The following WWOX variants were observed in gnomAD, a reference collection of about 807,000 sequenced individuals.
The protein encoded by WWOX is WW domain containing oxidoreductase.
A neutral mutation model predicts 46.2 loss-of-function variants in WWOX; 69 were observed. That is an observed-to-expected ratio of 1.49 (90% CI 1.23 to 1.82). The LOEUF (loss-of-function observed/expected upper bound fraction) is 1.82. Among genes scored for constraint, WWOX ranks in the 40% most tolerant of loss-of-function variants. The pLI, the probability that WWOX is intolerant of heterozygous loss-of-function variation, is 0.00. For missense variants in WWOX, 919 were observed against 542.6 expected (o/e 1.69, Z -6.89); for synonymous variants, 359 against 202.6 (o/e 1.77, Z -6.56).
intron 8 of WWOX, among the ~76,000 whole-genome samples, chr16:78,795,366 T>C (rs933172945): frequency 6.6e-6 from 1 of 152,164 alleles, no homozygotes; most frequent in African/African-American, 2.4e-5. Context: ...ACCATATGCT[T>C]CTGTCTTCCT....
At chr16:78,395,488 G>C (rs1204922418) in intron 6 of WWOX, among the ~76,000 whole-genome samples, 1 of 152,046 alleles carries the variant, frequency 6.6e-6, no homozygotes, top group Admixed American at 6.6e-5. Context: ...CTCCAGCCTG[G>C]GCAACAGAGC....
intron 8 of WWOX, among the ~76,000 whole-genome samples, chr16:78,929,299 G>C (rs1389509971): frequency 6.6e-6 from 1 of 151,378 alleles, no homozygotes; most frequent in East Asian, 1.9e-4. Context: ...TCTTTTTTAA[G>C]AGCCTCAAGT....
chr16:78,837,519 C>T (rs1191654356), intron 8 of WWOX, among the ~76,000 whole-genome samples: 1 of 152,180 alleles, frequency 6.6e-6, no homozygotes, highest in African/African-American at 2.4e-5. Context: ...AAAGCCTGAA[C>T]ACTTCTCAGG....
chr16:78,462,282 G>C (rs996803262), intron 8 of WWOX, among the ~76,000 whole-genome samples: 1 of 151,826 alleles, frequency 6.6e-6, no homozygotes. Flanking sequence ...CTGGTAGCAG[G>C]AGCTTTCAAA....
At chr16:78,889,390 C>T (rs890417025) in intron 8 of WWOX, among the ~76,000 whole-genome samples, 2 of 123,642 alleles carry the variant, frequency 1.6e-5, no homozygotes, top group African/African-American at 3.1e-5. Flanking sequence ...GCAGCCTAAA[C>T]CCTGCAAACT....
chr16:78,654,199 T>TG (rs371850775), intron 8 of WWOX, among the ~76,000 whole-genome samples: 26 of 151,782 alleles, frequency 1.7e-4, no homozygotes, highest in African/African-American at 6.3e-4. Context: ...TTCACCTGGG[T>TG]GGGCGATTTG....
chr16:78,691,225 C>T, intron 8 of WWOX: 2 of 702,086 alleles, frequency 2.8e-6, no homozygotes, highest in South Asian at 1.5e-5. Context: ...CTATGCTTCT[C>T]TTGTTTGTGA....
At chr16:78,688,401 A>G (rs952722102) in intron 8 of WWOX, among the ~76,000 whole-genome samples, 1 of 151,126 alleles carries the variant, frequency 6.6e-6, no homozygotes, top group Non-Finnish European at 1.5e-5. Context: ...GACAAATCCT[A>G]CTTTTTCAGG....
chr16:78,871,331 A>T (rs1002802839), intron 8 of WWOX, among the ~76,000 whole-genome samples: 1 of 152,154 alleles, frequency 6.6e-6, no homozygotes, highest in Admixed American at 6.5e-5. Context: ...CAGTGGCAGG[A>T]GAGGGACTGG....
chr16:78,808,576 C>T (rs892451857), intron 8 of WWOX, among the ~76,000 whole-genome samples: 1 of 152,142 alleles, frequency 6.6e-6, no homozygotes, highest in Non-Finnish European at 1.5e-5. Context: ...CAGTAGCCAA[C>T]ATTCTGGGAA....
At chr16:78,814,005 T>A (rs2051265559) in intron 8 of WWOX, among the ~76,000 whole-genome samples, 1 of 152,222 alleles carries the variant, frequency 6.6e-6, no homozygotes, top group African/African-American at 2.4e-5. Context: ...TTAAGGCAAC[T>A]GCTGTTTCTT....
intron 5 of WWOX, among the ~76,000 whole-genome samples, chr16:78,197,189 A>G (rs2036080660): frequency 6.6e-6 from 1 of 152,168 alleles, no homozygotes; most frequent in African/African-American, 2.4e-5. Flanking sequence ...CGGCGATACT[A>G]AGAAACTCAG....
intron 8 of WWOX, among the ~76,000 whole-genome samples, chr16:78,773,847 G>T (rs762338913): frequency 3.9e-5 from 6 of 152,188 alleles, no homozygotes; most frequent in Admixed American, 3.3e-4. Context: ...GCTGCAAAAC[G>T]ATTATTGTAT....
At chr16:78,883,321 C>T (rs59047779) in intron 8 of WWOX, among the ~76,000 whole-genome samples, 11 of 152,052 alleles carry the variant, frequency 7.2e-5, no homozygotes, top group African/African-American at 1.4e-4. Context: ...AAATGCCATC[C>T]GGTGACATCC....
intron 6 of WWOX, among the ~76,000 whole-genome samples, chr16:78,394,414 G>C (rs1400209434): frequency 6.7e-6 from 1 of 150,250 alleles, no homozygotes; most frequent in Admixed American, 6.7e-5. Flanking sequence ...CCATCCTAAG[G>C]CATTGAAAAA....
chr16:79,045,484 A>G (rs914406290), intron 8 of WWOX, among the ~76,000 whole-genome samples: 2 of 152,208 alleles, frequency 1.3e-5, no homozygotes, highest in South Asian at 2.1e-4. Flanking sequence ...CTCTCCAGAA[A>G]GAGAGACTAT....
intron 5 of WWOX, among the ~76,000 whole-genome samples, chr16:78,378,325 T>C (rs186197583): frequency 1.0e-3 from 159 of 152,278 alleles, no homozygotes; most frequent in African/African-American, 3.7e-3. Context: ...GGCATACTTT[T>C]CATCTTTAGG....
intron 5 of WWOX, among the ~76,000 whole-genome samples, chr16:78,287,633 T>G (rs2079790893): frequency 6.6e-6 from 1 of 152,164 alleles, no homozygotes; most frequent in African/African-American, 2.4e-5. Flanking sequence ...TTCTGATGGC[T>G]TAACAAGGGA....
At chr16:78,121,702 C>T (rs1272930475) in intron 4 of WWOX, among the ~76,000 whole-genome samples, 1 of 151,080 alleles carries the variant, frequency 6.6e-6, no homozygotes, top group Non-Finnish European at 1.5e-5. Flanking sequence ...TACTCTGTTG[C>T]GCAGGCTGGA....
Sources: gnomAD v4.1 joint callset for allele counts (sites outside exome capture counted in the v4.1 genomes callset) on GRCh38, gnomAD v4.1.1 for gene constraint, MANE v1.5 for transcripts, NCBI Gene and HGNC (gene_info 2026-07-23, HGNC 2026-07-21) for gene names.